UBE2F: variants seen among roughly 807,000 people sequenced by gnomAD.
The protein encoded by UBE2F is NEDD8-conjugating enzyme UBE2F.
A neutral mutation model predicts 29.6 loss-of-function variants in UBE2F; 5 were observed. That is an observed-to-expected ratio of 0.17 (90% CI 0.09 to 0.36). The LOEUF (loss-of-function observed/expected upper bound fraction) is 0.36, where lower values mean the gene tolerates loss of function less well. Among genes scored for constraint, UBE2F ranks in the 10% least tolerant of loss-of-function variants. The probability of loss-of-function intolerance (pLI) is 1.00; values close to 1 mark genes in which losing one functional copy is unlikely to be tolerated. For synonymous variants in UBE2F, 66 were observed against 81.8 expected (o/e 0.81, Z 1.04); for missense variants, 141 against 228.5 (o/e 0.62, Z 2.47).
chr2:237,988,282 T>C lies in UBE2F; in HGVS notation c.148+290T>C, dbSNP rs184042483. Among the ~76,000 whole-genome samples the C allele has an allele frequency of 3.1e-3, 478 of 152,142 alleles. 2 individuals carry two copies. Among genetic ancestry groups the C allele is most frequent in the African/African-American group, 0.011 (457 of 41,524 alleles). ...GGCCAACATGGTGAAACCCTGTCTC[T>C]ACTAAAACTACAAAAATTAGCTGAG... On this transcript the variant is annotated intron_variant, in intron 3 of 9. Coordinates refer to ENST00000272930, the MANE Select transcript of UBE2F (RefSeq NM_080678.3).
Position 238,040,668 on chromosome 2 carries a change from G to A in UBE2F, c.508-620G>A, listed in dbSNP as rs541432375. Among the ~76,000 whole-genome samples, 192 of 152,284 alleles carry A rather than the reference G, an allele frequency of 1.3e-3. 1 individual carries two copies. Among genetic ancestry groups the A allele is most frequent in the Admixed American group, 1.7e-3 (26 of 15,310 alleles). On this transcript the variant is annotated intron_variant, in intron 9 of 9. Transcript: ENST00000272930. The surrounding 1 kb of genome is among the most constrained non-coding windows in gnomAD (Gnocchi z 4.4). Reference sequence around the variant, plus strand: ...ACAGTGGCCCAGATCCGAGAAGATTGTTCCACCCATACTGGCCTGGGGTGA... The same window carrying A: ...ACAGTGGCCCAGATCCGAGAAGATTATTCCACCCATACTGGCCTGGGGTGA...
intron 4 of UBE2F, among the ~76,000 whole-genome samples, chr2:238,014,063 G>C (rs543598982): frequency 6.6e-6 from 1 of 152,270 alleles, no homozygotes; most frequent in South Asian, 2.1e-4. Flanking sequence ...AACCGTCTCC[G>C]CCTTGGGCCA....
chr2:237,969,740 C>T (rs2063135146), intron 1 of UBE2F, among the ~76,000 whole-genome samples: 1 of 152,170 alleles, frequency 6.6e-6, no homozygotes, highest in Non-Finnish European at 1.5e-5. Context: ...TTGACAAGAT[C>T]ATTCCAGGTA....
chr2:237,973,750 G>A lies in UBE2F; in HGVS notation c.118+525G>A, dbSNP rs930140252. On this transcript the variant is annotated intron_variant, in intron 2 of 9. Transcript: ENST00000272930. ...CGTGACTTCTGCTATCCATGTTGGT[G>A]AGGAGAAACTTTATCCTTGGAGAAG... 26 of 1,237,722 alleles carry A rather than the reference G, an allele frequency of 2.1e-5. No homozygotes were observed. The Admixed American group carries it at 5.3e-4, about 25-fold the overall frequency. The allele number at this position is 1,237,722 out of a possible 1,614,324, so 76.7% of individuals were successfully genotyped here. A position where few individuals can be genotyped will look rare whatever the true frequency, so the allele number is the denominator to read the frequency against.
chr2:238,011,063 T>C (rs2064013952), intron 4 of UBE2F, among the ~76,000 whole-genome samples: 1 of 152,176 alleles, frequency 6.6e-6, no homozygotes, highest in South Asian at 2.1e-4. Flanking sequence ...CTCACCTGGA[T>C]GATTACAACA....
intron 4 of UBE2F, among the ~76,000 whole-genome samples, chr2:238,005,994 A>G (rs1021328378): frequency 2.6e-5 from 4 of 152,190 alleles, no homozygotes; most frequent in Admixed American, 6.5e-5. Context: ...ATGTAAATCA[A>G]TTTGGGGAGA....
At chr2:238,036,008 A>G (rs2064699906) in intron 9 of UBE2F, 68 bp downstream of exon 9, 7 of 1,383,486 alleles carry the variant, frequency 5.1e-6, no homozygotes, top group African/African-American at 1.4e-5. Context: ...CTGTCTCTTG[A>G]TTGGATAAAT....
intron 1 of UBE2F, among the ~76,000 whole-genome samples, chr2:237,972,081 G>A (rs1476979762): frequency 1.3e-5 from 2 of 152,184 alleles, no homozygotes; most frequent in East Asian, 3.8e-4. Flanking sequence ...CAGATGGGGT[G>A]GAAGCCACCA....
chr2:237,999,086 T>G (rs2063742484), intron 4 of UBE2F, among the ~76,000 whole-genome samples: 1 of 151,944 alleles, frequency 6.6e-6, no homozygotes, highest in Non-Finnish European at 1.5e-5. Context: ...ATTTATTTAT[T>G]TATTTTTTTT....
rs1325675294 is a variant in UBE2F at position 237,994,630 on chromosome 2, T to C, written c.149-114T>C. ...GGGAGGGAGATCTACCAACTTTCCA[T>C]AAACCATACGAATCCCTGTAGCACC... On this transcript the variant is annotated intron_variant, in intron 3 of 9. Transcript: ENST00000272930. 10 of 781,864 alleles carry C rather than the reference T, an allele frequency of 1.3e-5. 1 individual carries two copies. In the Middle Eastern group the frequency reaches 7.1e-4, roughly 56 times the overall value. 48.4% of individuals were successfully genotyped at this position (781,864 alleles called of 1,614,324 possible).
At chr2:238,022,375 A>G (rs1017178454) in intron 5 of UBE2F, among the ~76,000 whole-genome samples, 1 of 151,932 alleles carries the variant, frequency 6.6e-6, no homozygotes, top group Non-Finnish European at 1.5e-5. Context: ...CCATGTTTCC[A>G]TTGGGGATAT....
intron 2 of UBE2F, among the ~76,000 whole-genome samples, chr2:237,978,297 T>C (rs2063321550): frequency 6.6e-6 from 1 of 152,204 alleles, no homozygotes; most frequent in African/African-American, 2.4e-5. Flanking sequence ...GCCTGGCTCA[T>C]TGCCTTGCTC....
chr2:237,979,985 G>C (rs1449998770), intron 2 of UBE2F, among the ~76,000 whole-genome samples: 1 of 152,254 alleles, frequency 6.6e-6, no homozygotes, highest in African/African-American at 2.4e-5. Context: ...TGGAGGGGCT[G>C]AGGCCCTGTG....
At chr2:237,987,264 G>C (rs1480867778) in intron 2 of UBE2F, among the ~76,000 whole-genome samples, 1 of 152,062 alleles carries the variant, frequency 6.6e-6, no homozygotes, top group Non-Finnish European at 1.5e-5. Flanking sequence ...GTGTGGGGAA[G>C]GGCAGGGCAG....
At chr2:237,979,268 G>A (rs966697375) in intron 2 of UBE2F, among the ~76,000 whole-genome samples, 9 of 152,298 alleles carry the variant, frequency 5.9e-5, no homozygotes, top group African/African-American at 2.2e-4. Context: ...TGGGGCAGTG[G>A]GAGGGTCTGG....
intron 2 of UBE2F, chr2:237,973,844 T>G: frequency 4.2e-6 from 2 of 471,650 alleles, no homozygotes; most frequent in Non-Finnish European, 5.8e-6. Flanking sequence ...GAGCATAAAT[T>G]TTGCATTTAT....
chr2:238,033,053 C>T (rs915065481), intron 8 of UBE2F, among the ~76,000 whole-genome samples: 1 of 152,226 alleles, frequency 6.6e-6, no homozygotes, highest in African/African-American at 2.4e-5. Flanking sequence ...CAGTCCACTT[C>T]TGTGCCTGTG....
At chr2:238,038,091 TGG>T (rs931186753) in intron 9 of UBE2F, among the ~76,000 whole-genome samples, 2 of 151,958 alleles carry the variant, frequency 1.3e-5, no homozygotes, top group Non-Finnish European at 2.9e-5. Flanking sequence ...CCCCAAAGAG[TGG>T]GCAGGAGCAC....
At chr2:237,977,813 G>C (rs559546386) in intron 2 of UBE2F, among the ~76,000 whole-genome samples, 78 of 152,218 alleles carry the variant, frequency 5.1e-4, no homozygotes, top group Admixed American at 1.3e-3. Flanking sequence ...CTGTCATCGG[G>C]TACTGTGGCT....
Sources: gnomAD v4.1 joint callset for allele counts (sites outside exome capture counted in the v4.1 genomes callset) on GRCh38, gnomAD v4.1.1 for gene constraint, Gnocchi (gnomAD v3.1) non-coding constraint, MANE v1.5 for transcripts, NCBI Gene and HGNC (gene_info 2026-07-23, HGNC 2026-07-21) for gene names.